ADCY10: variants seen among roughly 807,000 people sequenced by gnomAD.
The protein encoded by ADCY10 is adenylate cyclase 10.
Under a neutral mutation model 183.3 loss-of-function variants are expected in ADCY10, and 156 were observed. The observed-to-expected ratio is 0.85, with a 90% CI of 0.75 to 0.97. ADCY10 has a LOEUF of 0.97. Ranked by LOEUF, ADCY10 falls within the 50% of genes least tolerant of loss-of-function variation. ADCY10 has a pLI of 0.00. For missense variants in ADCY10, 1,745 were observed against 1,934.3 expected, an observed-to-expected ratio of 0.90 and a Z score of 1.84; for synonymous variants, 645 against 670.0, an observed-to-expected ratio of 0.96 and a Z score of 0.58.
At position 167,863,944 on chromosome 1, in the gene ADCY10, G is replaced by A. The variant is rs930242269; in HGVS notation, c.1617-2881C>T. Among the ~76,000 whole-genome samples the A allele has an allele frequency of 3.9e-4, 59 of 151,990 alleles. 1 individual carries two copies. Among genetic ancestry groups the A allele is most frequent in the Admixed American group, 2.8e-3 (43 of 15,258 alleles). The stretch of plus-strand genomic sequence containing the variant: ...CTTGGTTTTGGTTTTGACTTGGTTT[G>A]AATTACTTGACAGGACTGGTCTTGG... On this transcript the variant is annotated intron_variant, in intron 14 of 32. Transcript: ENST00000367851.
chr1:167,850,598 G>T (rs1409897242), intron 18 of ADCY10, among the ~76,000 whole-genome samples: 1 of 151,952 alleles, frequency 6.6e-6, no homozygotes, highest in Non-Finnish European at 1.5e-5. Context: ...ACTGGTCAGA[G>T]AGGGGAACAG....
Position 167,852,972 on chromosome 1 carries a change from G to A in ADCY10, c.2308+1381C>T, listed in dbSNP as rs554284648. On this transcript the variant is annotated intron_variant, in intron 18 of 32. Transcript: ENST00000367851. ...CATCATTCATTCACCCAGGAGGCAG[G>A]GGTTTTTAGGAAGCAAGAGGAATCT... Among the ~76,000 whole-genome samples, 7 of 152,118 alleles carry A rather than the reference G, an allele frequency of 4.6e-5. No individual in the cohort carries two copies. In the South Asian group the frequency reaches 8.3e-4, roughly 18 times the overall value.
At chr1:167,864,287 A>C (rs541002359) in intron 14 of ADCY10, among the ~76,000 whole-genome samples, 72 of 152,306 alleles carry the variant, frequency 4.7e-4, no homozygotes, top group Non-Finnish European at 9.1e-4. Flanking sequence ...CCTACTAGAA[A>C]CTATGTTGAA....
intron 8 of ADCY10, among the ~76,000 whole-genome samples, chr1:167,885,315 T>C (rs1051821645): frequency 6.6e-6 from 1 of 152,186 alleles, no homozygotes; most frequent in Non-Finnish European, 1.5e-5. Flanking sequence ...AGGAGTAGAA[T>C]TTCTAGATTG....
At chr1:167,855,428 C>T (rs779064791) in intron 17 of ADCY10, among the ~76,000 whole-genome samples, 4 of 152,222 alleles carry the variant, frequency 2.6e-5, no homozygotes, top group Middle Eastern at 3.2e-3. Flanking sequence ...CAGCTTTCCA[C>T]ATCTGCCATA....
chr1:167,849,128 T>C (rs1483012453), intron 18 of ADCY10, among the ~76,000 whole-genome samples: 1 of 152,166 alleles, frequency 6.6e-6, no homozygotes, highest in Non-Finnish European at 1.5e-5. Context: ...ATATGTATTA[T>C]GTATATACAT....
chr1:167,834,136 G>T, intron 23 of ADCY10, 59 bp from the exon 24 acceptor site: 1 of 1,317,132 alleles, frequency 7.6e-7, no homozygotes. Context: ...GCCCACAGAA[G>T]GGCCATTGCC....
At chr1:167,845,521 T>TCCTAA in intron 21 of ADCY10, 42 bp downstream of exon 21, 1 of 1,603,668 alleles carries the variant, frequency 6.2e-7, no homozygotes, top group South Asian at 1.1e-5. Flanking sequence ...TCTCTAGATT[T>TCCTAA]CCCAAGAACA....
intron 19 of ADCY10, among the ~76,000 whole-genome samples, chr1:167,846,701 T>C (rs183986962): frequency 4.6e-5 from 7 of 152,340 alleles, no homozygotes; most frequent in African/African-American, 1.4e-4. Flanking sequence ...GGTTTCTCTC[T>C]ATCTGCCCTA....
intron 9 of ADCY10, among the ~76,000 whole-genome samples, chr1:167,881,936 C>A (rs889799461): frequency 6.6e-6 from 1 of 152,202 alleles, no homozygotes; most frequent in African/African-American, 2.4e-5. Context: ...AGAGTTAGTT[C>A]GTCTCATATA....
At position 167,824,569 on chromosome 1, in the gene ADCY10, G is replaced by C. The variant is rs754951872; in HGVS notation, c.3959C>G (p.Ser1320Cys). 2 of 1,614,172 alleles carry C rather than the reference G, an allele frequency of 1.2e-6. No homozygotes were observed. The highest frequency in any genetic ancestry group is 1.7e-6 in the Non-Finnish European group (2 of 1,180,020). ...CAGTGCCCACATCTGAAGGGCTCGG[G>C]AGCCTGGGAAGAAAACAATTCCAGT... ...GHLDLAIELG[S>C]RALQMWALLQ... The change falls in exon 28 of 33, where the codon TCC (serine) becomes TGC (cysteine). Residue 1320 changes from serine to cysteine, a missense_variant. Physicochemically the swap from Ser to Cys is moderately radical, Grantham distance 112 (BLOSUM62 -1). Transcript: ENST00000367851.
At chr1:167,818,377 G>T in intron 30 of ADCY10, 110 bp from the exon 31 acceptor site, 1 of 963,910 alleles carries the variant, frequency 1.0e-6, no homozygotes, top group Non-Finnish European at 1.7e-6. Flanking sequence ...GTCTCTGGAA[G>T]TGTGTAGTCT....
Position 167,809,744 on chromosome 1 carries a change from T to C in ADCY10, c.4767A>G (p.Val1589=). 6.2e-7 allele frequency: 1 copy of C among 1,614,210 alleles called. No individual in the cohort carries two copies. ...TGTTTTTTTGAAGATCCTGAATGTT[T>C]ACCCTGCCTGCTACAATTTTTTCCC... The part of the protein sequence containing the change: ...PSWEKIVAGR[V]NIQDLQKNKF... The change falls in exon 33 of 33, where the codon GTA becomes GTG. Residue 1589 remains valine (V), a synonymous_variant. Transcript: ENST00000367851.
chr1:167,848,581 A>T, intron 18 of ADCY10, 92 bp from the exon 19 acceptor site: 1 of 1,376,228 alleles, frequency 7.3e-7, no homozygotes. Flanking sequence ...ATCTCATATG[A>T]GGAAGACTGG....
intron 13 of ADCY10, among the ~76,000 whole-genome samples, chr1:167,872,194 C>T (rs186813984): frequency 6.6e-5 from 10 of 152,054 alleles, no homozygotes; most frequent in East Asian, 3.9e-4. Context: ...CAAAATTAGC[C>T]GGGCGTGGTG....
intron 19 of ADCY10, among the ~76,000 whole-genome samples, chr1:167,846,847 C>T (rs1235479282): frequency 6.6e-6 from 1 of 152,132 alleles, no homozygotes; most frequent in African/African-American, 2.4e-5. Context: ...GACATTTTGA[C>T]CAGGATGTCC....
rs1386863989 is a variant in ADCY10 at position 167,854,397 on chromosome 1, G to A, written c.2264C>T (p.Thr755Met). The change falls in exon 18 of 33, where the codon ACG becomes ATG. Residue 755 changes from threonine to methionine, a missense_variant. Physicochemically the swap from Thr to Met is moderately conservative, Grantham distance 81. Transcript: ENST00000367851. ...EHHEVLVFQQ[T>M]ESEEKTNRTW... ...CCTATTTGTCTTTTCCTCAGACTCC[G>A]TTTGTTGGAAAACGAGTACCTCATG... The A allele has an allele frequency of 9.9e-6, 16 of 1,614,016 alleles. No homozygotes were observed. The highest frequency in any genetic ancestry group is 3.3e-5 in the South Asian group (3 of 91,086).
chr1:167,843,018 C>T (rs1007280339), intron 21 of ADCY10, among the ~76,000 whole-genome samples: 2 of 152,082 alleles, frequency 1.3e-5, no homozygotes, highest in Admixed American at 6.6e-5. Context: ...TAAAGTTTGT[C>T]GAGTCGATAG....
At chr1:167,833,272 T>C in intron 24 of ADCY10, 110 bp from the exon 25 acceptor site, 1 of 1,043,594 alleles carries the variant, frequency 9.6e-7, no homozygotes, top group Non-Finnish European at 1.5e-6. Flanking sequence ...AAAGGTAATT[T>C]ATGGACCAGA....
Sources: gnomAD v4.1 joint callset for allele counts (sites outside exome capture counted in the v4.1 genomes callset) on GRCh38, gnomAD v4.1.1 for gene constraint, MANE v1.5 for transcripts, NCBI Gene and HGNC (gene_info 2026-07-23, HGNC 2026-07-21) for gene names.